GRID2: variants seen among roughly 807,000 people sequenced by gnomAD.
GRID2 encodes glutamate ionotropic receptor delta type subunit 2.
In GRID2, 33 loss-of-function variants were observed where a neutral mutation model predicts 114.8. That is an observed-to-expected ratio of 0.29 (90% CI 0.22 to 0.38). The LOEUF (loss-of-function observed/expected upper bound fraction) is 0.38, where lower values mean the gene tolerates loss of function less well. GRID2 is among the 10% of genes least tolerant of loss of function. The pLI is 1.00. For synonymous variants in GRID2, 505 were observed against 449.9 expected (o/e 1.12, Z -1.55); for missense variants, 1,184 against 1,257.7 (o/e 0.94, Z 0.89).
At chr4:93,680,963 T>C (rs1725467609) in intron 14 of GRID2, among the ~76,000 whole-genome samples, 1 of 151,320 alleles carries the variant, frequency 6.6e-6, no homozygotes, top group Non-Finnish European at 1.5e-5. Flanking sequence ...TATAAGGTAT[T>C]CAATTAGGAA....
At chr4:92,765,197 TA>T (rs1244259256) in intron 2 of GRID2, among the ~76,000 whole-genome samples, 2 of 152,304 alleles carry the variant, frequency 1.3e-5, no homozygotes, top group African/African-American at 4.8e-5. Context: ...TAAACTTAGA[TA>T]AAAATGGTAT....
intron 3 of GRID2, among the ~76,000 whole-genome samples, chr4:93,107,489 G>C (rs10084856): frequency 6.6e-4 from 100 of 151,928 alleles, no homozygotes; most frequent in Non-Finnish European, 1.0e-3. Context: ...GCTAAAAAAC[G>C]TTATATAGTT....
At chr4:93,607,351 C>G (rs530052785) in intron 13 of GRID2, among the ~76,000 whole-genome samples, 1 of 152,060 alleles carries the variant, frequency 6.6e-6, no homozygotes, top group Non-Finnish European at 1.5e-5. Context: ...GCAAACACAT[C>G]GTAGAAATCC....
rs114981278 is a variant in GRID2, at chr4:92,757,969, A to C, written c.244+167683A>C. Among the ~76,000 whole-genome samples the C allele has an allele frequency of 2.6e-3, 395 of 152,198 alleles. 1 individual carries two copies. The highest frequency in any genetic ancestry group is 9.1e-3 in the African/African-American group (377 of 41,568). ...AAAAAAGGAGGAGATCAAAAAGAAC[A>C]TGGGGGTGAGATGGGGAGGAGTCAA... is the stretch of plus-strand genomic sequence containing the variant. On this transcript the variant is annotated intron_variant, in intron 2 of 15. Transcript: ENST00000282020.
At chr4:92,956,188 A>G (rs567509894) in intron 2 of GRID2, among the ~76,000 whole-genome samples, 1 of 152,310 alleles carries the variant, frequency 6.6e-6, no homozygotes, top group South Asian at 2.1e-4. Flanking sequence ...ACATCTTCCT[A>G]GAGAACAGTG....
intron 2 of GRID2, among the ~76,000 whole-genome samples, chr4:93,017,315 A>G (rs1722843014): frequency 1.3e-5 from 2 of 152,238 alleles, no homozygotes; most frequent in South Asian, 4.1e-4. Context: ...TAAATAGCCA[A>G]TTTGTTGTAT....
At chr4:92,402,177 C>G (rs1039455870) in intron 1 of GRID2, among the ~76,000 whole-genome samples, 1 of 152,112 alleles carries the variant, frequency 6.6e-6, no homozygotes, top group Non-Finnish European at 1.5e-5. Flanking sequence ...TTCTAGTTCT[C>G]TTGCTATTTA....
chr4:93,116,742 A>T (rs549401477), intron 4 of GRID2, among the ~76,000 whole-genome samples: 13 of 150,516 alleles, frequency 8.6e-5, no homozygotes, highest in African/African-American at 3.2e-4. Context: ...TAACTTCTGA[A>T]GGAAGAGGGT....
At chr4:93,809,026 C>A (rs1366758827) in exon 2 of GRID2, 1 of 152,144 alleles carries the variant, frequency 6.6e-6, no homozygotes, top group Non-Finnish European at 1.5e-5. Context: ...TGATGCCAAC[C>A]TGACTCTTAC....
At chr4:92,922,140 C>T (rs767405133) in intron 2 of GRID2, among the ~76,000 whole-genome samples, 9 of 152,218 alleles carry the variant, frequency 5.9e-5, no homozygotes, top group African/African-American at 2.2e-4. Flanking sequence ...GTAGGACCCT[C>T]TGAGCCAGGT....
At chr4:92,441,462 G>T in intron 1 of GRID2, among the ~76,000 whole-genome samples, 1 of 152,078 alleles carries the variant, frequency 6.6e-6, no homozygotes, top group Non-Finnish European at 1.5e-5. Context: ...ATATAGAACA[G>T]AATAATGGAT....
intron 2 of GRID2, among the ~76,000 whole-genome samples, chr4:92,639,561 A>G (rs1731243675): frequency 6.6e-6 from 1 of 151,774 alleles, no homozygotes; most frequent in East Asian, 1.9e-4. Context: ...GTATCTGTGA[A>G]GCTTTGTTTT....
chr4:92,926,908 C>A (rs1179636619), intron 2 of GRID2, among the ~76,000 whole-genome samples: 1 of 151,890 alleles, frequency 6.6e-6, no homozygotes, highest in South Asian at 2.1e-4. Flanking sequence ...ATAACCTAAT[C>A]ACTTCTTAAA....
At chr4:93,246,719 G>T (rs550091326) in intron 8 of GRID2, among the ~76,000 whole-genome samples, 1 of 151,996 alleles carries the variant, frequency 6.6e-6, no homozygotes, top group African/African-American at 2.4e-5. Flanking sequence ...AGCTCCATCA[G>T]CTTTTATTCT....
At chr4:92,832,674 G>A (rs1226054082) in intron 2 of GRID2, among the ~76,000 whole-genome samples, 7 of 152,064 alleles carry the variant, frequency 4.6e-5, no homozygotes, top group Non-Finnish European at 7.4e-5. Context: ...GATCACAAGG[G>A]TGAAGCACCA....
intron 1 of GRID2, among the ~76,000 whole-genome samples, chr4:92,443,562 C>G (rs536886455): frequency 2.0e-5 from 3 of 151,762 alleles, no homozygotes; most frequent in Admixed American, 1.3e-4. Context: ...GAGGTCGGGA[C>G]GTGGAAATAA....
At chr4:92,781,504 AAT>A (rs1739074890) in intron 2 of GRID2, among the ~76,000 whole-genome samples, 1 of 152,144 alleles carries the variant, frequency 6.6e-6, no homozygotes. Context: ...AAAGTGATAA[AAT>A]ACGCATTAAT....
Position 92,402,459 on chromosome 4 carries a change from C to G in GRID2, c.88+97715C>G, listed in dbSNP as rs1730830945. Among the ~76,000 whole-genome samples the G allele has an allele frequency of 2.0e-5, 3 of 152,162 alleles. No individual in the cohort carries two copies. In the South Asian group the frequency reaches 6.2e-4, roughly 31 times the overall value. On this transcript the variant is annotated intron_variant, in intron 1 of 15. Coordinates refer to ENST00000282020, the MANE Select transcript of GRID2 (RefSeq NM_001510.4). ...TAATAAGACTTGAAAGTTTGTATTA[C>G]TATTTGATTCATGGGCTGAAGTATG...
At chr4:92,482,944 AAT>A (rs2149106510) in intron 1 of GRID2, among the ~76,000 whole-genome samples, 1 of 152,318 alleles carries the variant, frequency 6.6e-6, no homozygotes, top group African/African-American at 2.4e-5. Context: ...AAATACTAAT[AAT>A]ATGTTGCAAC....
Sources: gnomAD v4.1 joint callset for allele counts (sites outside exome capture counted in the v4.1 genomes callset) on GRCh38, gnomAD v4.1.1 for gene constraint, MANE v1.5 for transcripts, NCBI Gene and HGNC (gene_info 2026-07-23, HGNC 2026-07-21) for gene names.